Variants in BMPR2 observed in about 807,000 individuals in gnomAD.
BMPR2 encodes bone morphogenetic protein receptor type-2.
In BMPR2, 29 loss-of-function variants were observed where a neutral mutation model predicts 100.8. The ratio of observed to expected loss-of-function variants is 0.29; its 90% CI spans 0.21 to 0.39. The LOEUF is 0.39. Ranked by LOEUF, BMPR2 falls within the 10% of genes least tolerant of loss-of-function variation. The pLI is 1.00. For missense variants in BMPR2, 1,011 were observed against 1,274.5 expected (o/e 0.79, Z 3.15); for synonymous variants, 382 against 442.3 (o/e 0.86, Z 1.71).
intron 1 of BMPR2, among the ~76,000 whole-genome samples, chr2:202,420,164 A>T (rs1006411763): frequency 1.3e-5 from 2 of 152,076 alleles, no homozygotes; most frequent in Admixed American, 1.3e-4. Flanking sequence ...GCTTATAATA[A>T]TTAGGGAAAT....
intron 1 of BMPR2, among the ~76,000 whole-genome samples, chr2:202,399,476 G>A (rs1260238803): frequency 2.0e-5 from 3 of 152,202 alleles, no homozygotes; most frequent in Non-Finnish European, 4.4e-5. Context: ...CAGGCAGGCA[G>A]GAGCCAAATC....
chr2:202,446,984 T>C (rs1007610920), intron 1 of BMPR2, among the ~76,000 whole-genome samples: 1 of 149,326 alleles, frequency 6.7e-6, no homozygotes, highest in Non-Finnish European at 1.5e-5. Flanking sequence ...ATTATGCTGG[T>C]GTTTAATACG....
At chr2:202,382,063 T>TG (rs199689546) in intron 1 of BMPR2, among the ~76,000 whole-genome samples, 4,578 of 146,926 alleles carry the variant, frequency 0.031, 217 homozygotes, top group African/African-American at 0.11. Flanking sequence ...TTTTTGTTTT[T>TG]TTTTTTTTTT....
At chr2:202,502,726 C>T (rs1235853670) in intron 3 of BMPR2, among the ~76,000 whole-genome samples, 1 of 152,224 alleles carries the variant, frequency 6.6e-6, no homozygotes, top group Non-Finnish European at 1.5e-5. Context: ...GAGGACTCTG[C>T]ACCTTCTTAG....
At chr2:202,510,380 G>A (rs1687597454) in intron 3 of BMPR2, among the ~76,000 whole-genome samples, 1 of 152,202 alleles carries the variant, frequency 6.6e-6, no homozygotes, top group Non-Finnish European at 1.5e-5. Flanking sequence ...TCGTACATCT[G>A]TGACATGGAT....
chr2:202,382,147 C>T (rs1439746369), intron 1 of BMPR2, among the ~76,000 whole-genome samples: 2 of 150,816 alleles, frequency 1.3e-5, no homozygotes, highest in African/African-American at 2.4e-5. Flanking sequence ...ACAACCTCCA[C>T]CTCCCAGGTT....
chr2:202,533,168 C>T (rs929727097), intron 9 of BMPR2, among the ~76,000 whole-genome samples: 1 of 151,632 alleles, frequency 6.6e-6, no homozygotes, highest in Non-Finnish European at 1.5e-5. Context: ...TCCCTCCTTC[C>T]TTCTTTCCTT....
intron 1 of BMPR2, among the ~76,000 whole-genome samples, chr2:202,457,161 C>T (rs1010440788): frequency 6.6e-6 from 1 of 152,038 alleles, no homozygotes; most frequent in South Asian, 2.1e-4. Flanking sequence ...ATCTGTCTCT[C>T]TATTGAGAGA....
intron 1 of BMPR2, among the ~76,000 whole-genome samples, chr2:202,426,739 G>T (rs1473025509): frequency 4.5e-4 from 68 of 151,830 alleles, no homozygotes; most frequent in Non-Finnish European, 8.8e-5. Context: ...AAACTAGCTG[G>T]GCGTGGGTGG....
intron 1 of BMPR2, among the ~76,000 whole-genome samples, chr2:202,438,801 A>C (rs1691670113): frequency 6.6e-6 from 1 of 150,576 alleles, no homozygotes; most frequent in African/African-American, 2.5e-5. Flanking sequence ...TGAACTCTCA[A>C]TTCCATTCCA....
At chr2:202,457,740 T>G (rs540960507) in intron 1 of BMPR2, among the ~76,000 whole-genome samples, 3 of 151,632 alleles carry the variant, frequency 2.0e-5, no homozygotes. Context: ...ACTTTTTTGG[T>G]TTTTTTTGAA....
chr2:202,383,459 T>C (rs767267867), intron 1 of BMPR2, among the ~76,000 whole-genome samples: 16 of 152,170 alleles, frequency 1.1e-4, no homozygotes, highest in Non-Finnish European at 1.9e-4. Context: ...GGTGGGCTGA[T>C]CACCTGAAGT....
At chr2:202,435,435 C>A in intron 1 of BMPR2, among the ~76,000 whole-genome samples, 1 of 125,406 alleles carries the variant, frequency 8.0e-6, no homozygotes, top group African/African-American at 3.2e-5. Context: ...ACAGTATGTT[C>A]GTGTTTTAAG....
intron 1 of BMPR2, among the ~76,000 whole-genome samples, chr2:202,419,204 A>G (rs1691204738): frequency 6.6e-6 from 1 of 152,176 alleles, no homozygotes; most frequent in Non-Finnish European, 1.5e-5. Flanking sequence ...TTTAAAGTCA[A>G]ATTTAACATT....
chr2:202,511,400 G>A (rs1687620874), intron 3 of BMPR2, among the ~76,000 whole-genome samples: 1 of 152,128 alleles, frequency 6.6e-6, no homozygotes, highest in East Asian at 1.9e-4. Flanking sequence ...TTGAACACTT[G>A]TTTTTGGTTC....
At position 202,428,604 on chromosome 2, in the gene BMPR2, C is replaced by T. The variant is rs181869087; in HGVS notation, c.77-36205C>T. 1.9e-3 allele frequency among the ~76,000 whole-genome samples: 288 copies of T among 152,020 alleles called. 3 individuals carry two copies. Among genetic ancestry groups the T allele is most frequent in the Admixed American group, 0.016 (247 of 15,240 alleles). On this transcript the variant is annotated intron_variant, in intron 1 of 12. Coordinates refer to ENST00000374580, the MANE Select transcript of BMPR2 (RefSeq NM_001204.7). ...TTTTTTTTTGGTAGAGATGGGTCCT[C>T]GCTGTGTTGCCAGACTGGTCCTGAA...
chr2:202,523,692 T>C (rs1472306863), intron 7 of BMPR2, among the ~76,000 whole-genome samples: 1 of 151,930 alleles, frequency 6.6e-6, no homozygotes, highest in African/African-American at 2.4e-5. Context: ...TAATCCCAGC[T>C]ACTCGGGAGG....
Position 202,520,991 on chromosome 2 carries a change from G to C in BMPR2, c.967+790G>C, listed in dbSNP as rs146413028. ...CTCAAGGCCCACAGACTCCTAGTCT[G>C]AGTCCAATAAAGACTGTTTATTCCT... On this transcript the variant is annotated intron_variant, in intron 7 of 12. Coordinates refer to ENST00000374580, the MANE Select transcript of BMPR2 (RefSeq NM_001204.7). 9.2e-3 allele frequency: 1,425 copies of C among 155,196 alleles called. 12 individuals are homozygous for C. The highest frequency in any genetic ancestry group is 0.013 in the Admixed American group (201 of 15,318). The allele number at this position is 155,196 out of a possible 1,614,324, so 9.6% of individuals were successfully genotyped here.
intron 1 of BMPR2, among the ~76,000 whole-genome samples, chr2:202,427,119 G>A (rs1691401720): frequency 6.6e-6 from 1 of 152,168 alleles, no homozygotes; most frequent in Non-Finnish European, 1.5e-5. Flanking sequence ...AGGAGGCCGA[G>A]GCGGGAGGAT....
Sources: gnomAD v4.1 joint callset for allele counts (sites outside exome capture counted in the v4.1 genomes callset) on GRCh38, gnomAD v4.1.1 for gene constraint, MANE v1.5 for transcripts, NCBI Gene and HGNC (gene_info 2026-07-23, HGNC 2026-07-21) for gene names.